SGCZ: variants seen among roughly 807,000 people sequenced by gnomAD.
The protein encoded by SGCZ is sarcoglycan zeta.
Under a neutral mutation model 41.3 loss-of-function variants are expected in SGCZ, and 40 were observed. The observed-to-expected ratio is 0.97, with a 90% CI of 0.75 to 1.26. The LOEUF is 1.26. Ranked by LOEUF, SGCZ falls within the 50% of genes most tolerant of loss-of-function variation. The pLI is 0.00. For synonymous variants in SGCZ, 206 were observed against 137.5 expected (o/e 1.50, Z -3.49); for missense variants, 552 against 369.8 (o/e 1.49, Z -4.04).
intron 1 of SGCZ, among the ~76,000 whole-genome samples, chr8:14,801,881 T>C (rs1279456819): frequency 5.3e-5 from 8 of 152,122 alleles, no homozygotes; most frequent in African/African-American, 1.9e-4. Context: ...ACCTGGCAAG[T>C]TTCCTAATGA....
At chr8:14,944,706 G>C (rs536722186) in intron 1 of SGCZ, among the ~76,000 whole-genome samples, 1 of 152,106 alleles carries the variant, frequency 6.6e-6, no homozygotes, top group Non-Finnish European at 1.5e-5. Flanking sequence ...GTTACATCCT[G>C]ATAAACCCAT....
At position 14,382,739 on chromosome 8, in the gene SGCZ, G is replaced by T. The variant is rs998583243; in HGVS notation, c.235-58535C>A. Among the ~76,000 whole-genome samples, 3 of 152,128 alleles carry T rather than the reference G, an allele frequency of 2.0e-5. No homozygotes were observed. The South Asian group carries it at 6.2e-4, about 32-fold the overall frequency. On this transcript the variant is annotated intron_variant, in intron 2 of 7. Transcript: ENST00000382080. ...GAATGGGCAAAGTATTGAATACTTG[G>T]GTGATTTTAATGAAAGAGTTTTGTA...
chr8:14,466,168 C>T (rs973210558), intron 2 of SGCZ, among the ~76,000 whole-genome samples: 17 of 151,994 alleles, frequency 1.1e-4, no homozygotes, highest in African/African-American at 3.9e-4. Context: ...AACTTATTCA[C>T]CTTATTCAGC....
chr8:14,633,293 G>A (rs1490069829), intron 1 of SGCZ, among the ~76,000 whole-genome samples: 1 of 151,940 alleles, frequency 6.6e-6, no homozygotes, highest in African/African-American at 2.4e-5. Context: ...GGGACATAAT[G>A]AGGTTTGAAT....
chr8:14,946,037 T>C lies in SGCZ; in HGVS notation c.39+291548A>G, dbSNP rs1448306220. 7.1e-5 allele frequency among the ~76,000 whole-genome samples: 8 copies of C among 113,316 alleles called. No homozygotes were observed. In the South Asian group the frequency reaches 2.5e-3, roughly 35 times the overall value. 74.3% of individuals were successfully genotyped at this position (113,316 alleles called of 152,430 possible). On this transcript the variant is annotated intron_variant, in intron 1 of 7. Coordinates refer to ENST00000382080, the MANE Select transcript of SGCZ (RefSeq NM_139167.4). ...ATATATATATATATATATATATATATATATATATATATATATATGAATCAT... is the reference window on the plus strand; with the variant it reads ...ATATATATATATATATATATATATACATATATATATATATATATGAATCAT...
rs563085167 is a variant in SGCZ at position 14,682,732 on chromosome 8, T to G, written c.40-127806A>C. ...TACAGGCGTGAGCCACCATAAACCA[T>G]GCACATAACTTAACAAACAGAGATG... On this transcript the variant is annotated intron_variant, in intron 1 of 7. Transcript: ENST00000382080. Among the ~76,000 whole-genome samples the G allele has an allele frequency of 7.9e-5, 12 of 152,240 alleles. 1 individual carries two copies. The South Asian group carries it at 2.5e-3, about 32-fold the overall frequency.
intron 1 of SGCZ, among the ~76,000 whole-genome samples, chr8:15,046,631 C>G (rs1241878530): frequency 1.3e-5 from 2 of 151,978 alleles, no homozygotes; most frequent in South Asian, 2.1e-4. Context: ...TGATCCCTTT[C>G]CCTAAGTACT....
At chr8:14,525,023 T>G (rs543510099) in intron 2 of SGCZ, among the ~76,000 whole-genome samples, 3 of 152,158 alleles carry the variant, frequency 2.0e-5, no homozygotes, top group Admixed American at 2.0e-4. Flanking sequence ...TGTCCTTTAT[T>G]CACAGATAGA....
At chr8:15,058,933 G>T (rs1271848432) in intron 1 of SGCZ, among the ~76,000 whole-genome samples, 1 of 152,016 alleles carries the variant, frequency 6.6e-6, no homozygotes, top group African/African-American at 2.4e-5. Flanking sequence ...TTAAAACCAG[G>T]TGTTTTTAAA....
At chr8:14,216,950 G>A (rs569310318) in intron 4 of SGCZ, among the ~76,000 whole-genome samples, 72 of 152,230 alleles carry the variant, frequency 4.7e-4, no homozygotes, top group Non-Finnish European at 9.0e-4. Context: ...GTATACTGAC[G>A]TATTGGTAGT....
At chr8:15,233,943 A>G (rs558895415) in intron 1 of SGCZ, among the ~76,000 whole-genome samples, 1 of 152,292 alleles carries the variant, frequency 6.6e-6, no homozygotes, top group African/African-American at 2.4e-5. Context: ...CAAAGCAAAT[A>G]ACAATTATCC....
intron 3 of SGCZ, among the ~76,000 whole-genome samples, chr8:14,319,821 C>T (rs975752102): frequency 2.0e-5 from 3 of 151,974 alleles, no homozygotes; most frequent in Non-Finnish European, 4.4e-5. Flanking sequence ...TCTCCAATCA[C>T]ACTGCAGGGA....
intron 2 of SGCZ, among the ~76,000 whole-genome samples, chr8:14,332,914 C>CAT (rs979035600): frequency 2.2e-5 from 3 of 137,080 alleles, no homozygotes; most frequent in Non-Finnish European, 3.3e-5. Context: ...TCTATACACA[C>CAT]ATATATATAC....
chr8:14,176,049 G>A (rs1804532860), intron 4 of SGCZ, among the ~76,000 whole-genome samples: 1 of 151,930 alleles, frequency 6.6e-6, no homozygotes, highest in Non-Finnish European at 1.5e-5. Context: ...AAAACACAAA[G>A]CAACATTGGA....
chr8:15,136,714 AC>A (rs1279414635), intron 1 of SGCZ, among the ~76,000 whole-genome samples: 1 of 152,084 alleles, frequency 6.6e-6, no homozygotes, highest in Non-Finnish European at 1.5e-5. Flanking sequence ...GGTGCCTTTA[AC>A]CATGATTGTA....
At chr8:14,357,503 C>T (rs898381600) in intron 2 of SGCZ, among the ~76,000 whole-genome samples, 1 of 152,152 alleles carries the variant, frequency 6.6e-6, no homozygotes, top group Non-Finnish European at 1.5e-5. Context: ...GTATGCAGAA[C>T]TATATGCTGT....
At chr8:14,496,028 C>T (rs1215273385) in intron 2 of SGCZ, among the ~76,000 whole-genome samples, 2 of 152,036 alleles carry the variant, frequency 1.3e-5, no homozygotes, top group Admixed American at 1.3e-4. Flanking sequence ...GCAATAGGGG[C>T]TGGAAATTGG....
chr8:14,242,937 A>G (rs938885479), intron 3 of SGCZ, among the ~76,000 whole-genome samples: 1 of 152,232 alleles, frequency 6.6e-6, no homozygotes, highest in Non-Finnish European at 1.5e-5. Context: ...TTTGGTCTCT[A>G]AAAGAAACAT....
chr8:14,379,303 G>GT (rs1473448045), intron 2 of SGCZ, among the ~76,000 whole-genome samples: 1 of 152,126 alleles, frequency 6.6e-6, no homozygotes, highest in Non-Finnish European at 1.5e-5. Flanking sequence ...ACTAACTTAC[G>GT]TAAGTCAATA....
Sources: allele counts gnomAD v4.1 joint callset (sites outside exome capture counted in the v4.1 genomes callset), GRCh38; gene constraint gnomAD v4.1.1; transcripts MANE v1.5; gene names NCBI Gene and HGNC (gene_info 2026-07-23, HGNC 2026-07-21).